The following TEX9 variants were observed in gnomAD, a reference collection of about 807,000 sequenced individuals.
TEX9 encodes the protein testis expressed 9.
Under a neutral mutation model 59.6 loss-of-function variants are expected in TEX9, and 74 were observed. The ratio of observed to expected loss-of-function variants is 1.24; its 90% confidence interval spans 1.03 to 1.51. TEX9 has a LOEUF of 1.51. TEX9 is among the 40% of genes most tolerant of loss of function. The probability of loss-of-function intolerance (pLI) is 0.00; values close to 1 mark genes in which losing one functional copy is unlikely to be tolerated. For missense variants in TEX9, 522 were observed against 447.8 expected (o/e 1.17, Z -1.49); for synonymous variants, 186 against 152.2 (o/e 1.22, Z -1.64).
chr15:56,266,577 T>C (rs1273616959), intron 1 of TEX9, among the ~76,000 whole-genome samples: 1 of 150,560 alleles, frequency 6.6e-6, no homozygotes, highest in African/African-American at 2.4e-5. Flanking sequence ...ACACGCAGTG[T>C]TTGGTTTTCT....
intron 12 of TEX9, among the ~76,000 whole-genome samples, chr15:56,442,521 A>T (rs772127607): frequency 2.3e-4 from 35 of 152,316 alleles, no homozygotes; most frequent in Non-Finnish European, 3.8e-4. Context: ...GGATAAATAA[A>T]ATGTGGTACA....
At chr15:56,291,183 C>A (rs1445432088) in intron 1 of TEX9, among the ~76,000 whole-genome samples, 2 of 152,122 alleles carry the variant, frequency 1.3e-5, no homozygotes, top group South Asian at 4.1e-4. Context: ...TAGATTGAGA[C>A]CCTTTTCTAA....
At position 56,246,136 on chromosome 15, in the gene TEX9, T is replaced by G. The variant is rs1470227156; in HGVS notation, c.-107+1858T>G. Among the ~76,000 whole-genome samples the G allele has an allele frequency of 2.0e-5, 3 of 152,294 alleles. No individual in the cohort carries two copies. The South Asian group carries it at 6.2e-4, about 32-fold the overall frequency. On this transcript the variant is annotated intron_variant, in intron 1 of 5. Transcript: ENST00000560827. Reference sequence around the variant, plus strand: ...CACAGGCTGGCTTCCCAAGTGCAACTTCTGAGAGTTTTTAATGGGTTCCAT... The same window carrying G: ...CACAGGCTGGCTTCCCAAGTGCAACGTCTGAGAGTTTTTAATGGGTTCCAT...
At chr15:56,428,592 G>A in intron 12 of TEX9, 1 of 555,878 alleles carries the variant, frequency 1.8e-6, no homozygotes, top group Non-Finnish European at 3.1e-6. Flanking sequence ...TTTAGATTTA[G>A]GAGATTAGCT....
chr15:56,352,682 A>C (rs2046608166), intron 1 of TEX9, among the ~76,000 whole-genome samples: 1 of 152,140 alleles, frequency 6.6e-6, no homozygotes, highest in South Asian at 2.1e-4. Flanking sequence ...TGTTATTTTC[A>C]GTATTTTTAC....
At chr15:56,447,261 T>C, downstream of TEX9, 1 of 182,020 alleles carries the variant, frequency 5.5e-6, no homozygotes, top group Non-Finnish European at 1.2e-5. Context: ...ATTTTGGTCA[T>C]CTTCTTAGAG....
At chr15:56,297,285 C>T (rs763386627) in intron 1 of TEX9, among the ~76,000 whole-genome samples, 6 of 152,122 alleles carry the variant, frequency 3.9e-5, no homozygotes, top group African/African-American at 7.2e-5. Context: ...AAAAATAGGG[C>T]GTCTCTTAAG....
chr15:56,401,333 C>T (rs1166720064), intron 9 of TEX9, among the ~76,000 whole-genome samples: 4 of 64,414 alleles, frequency 6.2e-5, no homozygotes, highest in Non-Finnish European at 1.2e-4. Flanking sequence ...AAAAAAAAAA[C>T]AGGGGTTGCA....
At chr15:56,262,937 G>C (rs2044299448) in intron 1 of TEX9, among the ~76,000 whole-genome samples, 1 of 152,152 alleles carries the variant, frequency 6.6e-6, no homozygotes, top group African/African-American at 2.4e-5. Flanking sequence ...TTAGGTTGCT[G>C]TTTGCATGAT....
chr15:56,334,068 G>T (rs1432144703), intron 1 of TEX9, among the ~76,000 whole-genome samples: 1 of 152,140 alleles, frequency 6.6e-6, no homozygotes, highest in African/African-American at 2.4e-5. Context: ...AATCAATATT[G>T]TTAAAATGTT....
chr15:56,264,581 T>A (rs1043623205), intron 1 of TEX9, among the ~76,000 whole-genome samples: 6 of 152,224 alleles, frequency 3.9e-5, no homozygotes, highest in Non-Finnish European at 8.8e-5. Flanking sequence ...TTTAAAAGTT[T>A]TCAAATATTT....
chr15:56,360,751 C>T (rs1172356863), upstream of TEX9, among the ~76,000 whole-genome samples: 2 of 152,130 alleles, frequency 1.3e-5, no homozygotes, highest in African/African-American at 2.4e-5. Flanking sequence ...TGAAGCCATA[C>T]CTCTTCTGTC....
intron 1 of TEX9, chr15:56,244,415 A>G (rs1252568160): frequency 6.6e-6 from 1 of 152,162 alleles, no homozygotes; most frequent in Non-Finnish European, 1.5e-5. Context: ...CGGGCATTCA[A>G]AGCCCTCCAA....
chr15:56,331,511 T>C (rs553131756), intron 1 of TEX9, among the ~76,000 whole-genome samples: 3 of 152,174 alleles, frequency 2.0e-5, no homozygotes, highest in Non-Finnish European at 4.4e-5. Flanking sequence ...TTTTGAAAAC[T>C]ATACAAACAT....
chr15:56,380,900 C>CT lies in TEX9; in HGVS notation c.184-3046dup, dbSNP rs1382252985. Among the ~76,000 whole-genome samples the CT allele has an allele frequency of 3.3e-5, 5 of 152,060 alleles. No homozygotes were observed. The East Asian group carries it at 5.8e-4, about 18-fold the overall frequency. Reference sequence around the variant, plus strand: ...TGATTATTAAATGCCTTGAGGCAGTCTTTTTTGGGTTAAATCTGCTTGGTG... The same window carrying CT: ...TGATTATTAAATGCCTTGAGGCAGTCTTTTTTTGGGTTAAATCTGCTTGGTG... On this transcript the variant is annotated intron_variant, in intron 3 of 12. Transcript: ENST00000352903.
the TEX9 span, among the ~76,000 whole-genome samples, chr15:56,460,009 A>AAAAAAAAATATATATATATAT: frequency 3.4e-4 from 9 of 26,386 alleles, 2 homozygotes; most frequent in Non-Finnish European, 3.5e-4. Flanking sequence ...AAAAAAAAAA[A>AAAAAAAAATATATATATATAT]ATACATATAT....
chr15:56,395,116 A>G, intron 9 of TEX9: 2 of 402,492 alleles, frequency 5.0e-6, no homozygotes, highest in Admixed American at 4.3e-5. Flanking sequence ...TTTAGCCACC[A>G]CACCCTGACC....
chr15:56,320,555 T>C (rs1287770662), intron 1 of TEX9, among the ~76,000 whole-genome samples: 1 of 152,154 alleles, frequency 6.6e-6, no homozygotes, highest in Non-Finnish European at 1.5e-5. Context: ...GAGATAGGAC[T>C]CACCCTGGTG....
intron 1 of TEX9, among the ~76,000 whole-genome samples, chr15:56,252,994 G>A (rs1211678651): frequency 6.6e-6 from 1 of 152,108 alleles, no homozygotes; most frequent in Admixed American, 6.6e-5. Context: ...CTGGAAGGTA[G>A]AGAGGAGAAG....
Sources: gnomAD v4.1 joint callset for allele counts (sites outside exome capture counted in the v4.1 genomes callset) on GRCh38, gnomAD v4.1.1 for gene constraint, MANE v1.5 for transcripts, NCBI Gene and HGNC (gene_info 2026-07-23, HGNC 2026-07-21) for gene names.